The following PLD5 variants were observed in gnomAD, a reference collection of about 807,000 sequenced individuals.
The protein encoded by PLD5 is inactive phospholipase D5.
A neutral mutation model predicts 61.1 loss-of-function variants in PLD5; 36 were observed. The ratio of observed to expected loss-of-function variants is 0.59; its 90% CI spans 0.45 to 0.78. The LOEUF is 0.78. Among genes scored for constraint, PLD5 ranks in the 30% least tolerant of loss-of-function variants. PLD5 has a pLI of 0.00. For synonymous variants in PLD5, 243 were observed against 242.8 expected (o/e 1.00, Z -0.01); for missense variants, 515 against 644.4 (o/e 0.80, Z 2.17).
At chr1:242,217,489 TG>T (rs1417992212) in intron 5 of PLD5, among the ~76,000 whole-genome samples, 1 of 152,174 alleles carries the variant, frequency 6.6e-6, no homozygotes, top group Non-Finnish European at 1.5e-5. Context: ...CTGGGCGTGG[TG>T]GTACATGCCT....
At chr1:242,268,778 C>T (rs1385297662) in intron 3 of PLD5, among the ~76,000 whole-genome samples, 3 of 152,140 alleles carry the variant, frequency 2.0e-5, no homozygotes, top group Non-Finnish European at 4.4e-5. Context: ...AGGTATTAAA[C>T]CCTACTCTGT....
At chr1:242,508,028 A>G (rs2102997424) in intron 1 of PLD5, among the ~76,000 whole-genome samples, 1 of 150,198 alleles carries the variant, frequency 6.7e-6, no homozygotes. Context: ...CAGCAATTCT[A>G]TTCAAATAGC....
intron 5 of PLD5, among the ~76,000 whole-genome samples, chr1:242,198,738 T>C (rs1019275304): frequency 3.5e-5 from 5 of 144,116 alleles, no homozygotes; most frequent in African/African-American, 1.4e-4. Context: ...AAATATCTCA[T>C]TATTATTATT....
chr1:242,203,078 C>G (rs868271260), intron 5 of PLD5, among the ~76,000 whole-genome samples: 3 of 152,182 alleles, frequency 2.0e-5, no homozygotes, highest in Non-Finnish European at 2.9e-5. Context: ...AAACAACCAC[C>G]CTTACAGCAA....
At chr1:242,523,376 A>G (rs755326224) in intron 1 of PLD5, among the ~76,000 whole-genome samples, 4 of 151,742 alleles carry the variant, frequency 2.6e-5, no homozygotes, top group Non-Finnish European at 5.9e-5. Flanking sequence ...AGCAAGCCTT[A>G]GGAGCTCAAC....
intron 1 of PLD5, among the ~76,000 whole-genome samples, chr1:242,448,965 C>T (rs1387804171): frequency 6.6e-6 from 1 of 152,144 alleles, no homozygotes; most frequent in African/African-American, 2.4e-5. Context: ...TACCGCCACA[C>T]AAACATATCG....
intron 5 of PLD5, among the ~76,000 whole-genome samples, chr1:242,210,159 C>G (rs907291167): frequency 4.6e-5 from 7 of 152,140 alleles, no homozygotes; most frequent in Non-Finnish European, 8.8e-5. Context: ...ATGTAGAAAG[C>G]CAAGATAAGC....
At chr1:242,186,778 G>A (rs1303944192) in intron 5 of PLD5, among the ~76,000 whole-genome samples, 1 of 152,160 alleles carries the variant, frequency 6.6e-6, no homozygotes, top group African/African-American at 2.4e-5. Context: ...GGCTTTCAAA[G>A]ATTATGCAGT....
intron 4 of PLD5, among the ~76,000 whole-genome samples, chr1:242,251,979 G>T (rs1325715444): frequency 1.3e-5 from 2 of 152,180 alleles, no homozygotes; most frequent in African/African-American, 4.8e-5. Context: ...TTGTTTGTTT[G>T]TTATGTTCAG....
intron 1 of PLD5, among the ~76,000 whole-genome samples, chr1:242,495,544 T>G (rs1261864716): frequency 6.6e-6 from 1 of 152,170 alleles, no homozygotes; most frequent in Non-Finnish European, 1.5e-5. Context: ...TACTGAGATG[T>G]TATTTCTATT....
intron 1 of PLD5, among the ~76,000 whole-genome samples, chr1:242,399,785 C>T (rs1354273315): frequency 6.6e-6 from 1 of 152,192 alleles, no homozygotes; most frequent in African/African-American, 2.4e-5. Flanking sequence ...AGCTCCGCCT[C>T]CTGTCAGAGC....
intron 5 of PLD5, among the ~76,000 whole-genome samples, chr1:242,148,447 CA>C (rs975095250): frequency 2.6e-5 from 4 of 151,192 alleles, no homozygotes; most frequent in African/African-American, 9.8e-5. Flanking sequence ...TCTTCTATTT[CA>C]AAATTGTTGT....
chr1:242,381,984 T>G (rs760231547), intron 1 of PLD5, among the ~76,000 whole-genome samples: 34 of 152,200 alleles, frequency 2.2e-4, no homozygotes, highest in Admixed American at 1.5e-3. Context: ...TAAAAGTAAG[T>G]GACAGAATCC....
At chr1:242,454,186 C>A (rs995376028) in intron 1 of PLD5, among the ~76,000 whole-genome samples, 1 of 151,930 alleles carries the variant, frequency 6.6e-6, no homozygotes, top group African/African-American at 2.4e-5. Flanking sequence ...CAAAAATATT[C>A]GCCAGGTGTG....
intron 1 of PLD5, among the ~76,000 whole-genome samples, chr1:242,357,509 G>T (rs1407037394): frequency 6.7e-6 from 1 of 150,104 alleles, no homozygotes; most frequent in Non-Finnish European, 1.5e-5. Flanking sequence ...TTTTGAGACG[G>T]AATTTTGCTC....
At chr1:242,219,911 C>A in intron 5 of PLD5, 77 bp downstream of exon 5, 6 of 1,534,788 alleles carry the variant, frequency 3.9e-6, no homozygotes, top group Non-Finnish European at 5.3e-6. Context: ...GGATCCTTAT[C>A]TGCAGTAGCG....
intron 5 of PLD5, among the ~76,000 whole-genome samples, chr1:242,142,383 T>G (rs1056348885): frequency 6.6e-5 from 10 of 152,254 alleles, no homozygotes; most frequent in African/African-American, 1.9e-4. Flanking sequence ...TCAAATAGTC[T>G]ACATAGATAA....
chr1:242,314,903 A>T (rs1273937399), intron 2 of PLD5, among the ~76,000 whole-genome samples: 2 of 152,106 alleles, frequency 1.3e-5, no homozygotes, highest in Admixed American at 6.5e-5. Flanking sequence ...TTTACATAGA[A>T]TCATTTTAAA....
intron 9 of PLD5, among the ~76,000 whole-genome samples, chr1:242,093,416 G>A (rs1389680551): frequency 6.6e-6 from 1 of 152,158 alleles, no homozygotes; most frequent in African/African-American, 2.4e-5. Flanking sequence ...CACAGCTGTT[G>A]CCAGGCACTG....
Sources: gnomAD v4.1 joint callset for allele counts (sites outside exome capture counted in the v4.1 genomes callset) on GRCh38, gnomAD v4.1.1 for gene constraint, MANE v1.5 for transcripts, NCBI Gene and HGNC (gene_info 2026-07-23, HGNC 2026-07-21) for gene names.